The following SORCS3 variants were observed in gnomAD, a reference collection of about 807,000 sequenced individuals.
The protein encoded by SORCS3 is VPS10 domain-containing receptor SorCS3.
Under a neutral mutation model 146.3 loss-of-function variants are expected in SORCS3, and 57 were observed. The ratio of observed to expected loss-of-function variants is 0.39; its 90% CI spans 0.31 to 0.49. The LOEUF (loss-of-function observed/expected upper bound fraction) is 0.49. Ranked by LOEUF, SORCS3 falls within the 20% of genes least tolerant of loss-of-function variation. SORCS3 has a pLI of 0.92. For synonymous variants in SORCS3, 653 were observed against 618.5 expected, an observed-to-expected ratio of 1.06 and a Z score of -0.83; for missense variants, 1,341 against 1,575.5, an observed-to-expected ratio of 0.85 and a Z score of 2.52.
At chr10:105,029,276 A>T (rs781151586) in intron 4 of SORCS3, among the ~76,000 whole-genome samples, 1 of 152,202 alleles carries the variant, frequency 6.6e-6, no homozygotes, top group Non-Finnish European at 1.5e-5. Flanking sequence ...CATGGGTAGA[A>T]GAGTCTCAAA....
rs548852686 is a variant in SORCS3, at chr10:104,794,160, T to C, written c.628-48632T>C. ...TCTCCCCAACAGGGTCATTCATCTT[T>C]GAATTTCTGGAGCAGTCACGATTCC... is the stretch of plus-strand genomic sequence containing the variant. On this transcript the variant is annotated intron_variant, in intron 1 of 26. Transcript: ENST00000369701. 8.5e-5 allele frequency among the ~76,000 whole-genome samples: 13 copies of C among 152,310 alleles called. No individual in the cohort carries two copies. The South Asian group carries it at 1.5e-3, about 17-fold the overall frequency.
chr10:105,186,469 C>A (rs554450089), intron 14 of SORCS3, among the ~76,000 whole-genome samples: 1 of 152,036 alleles, frequency 6.6e-6, no homozygotes, highest in African/African-American at 2.4e-5. Flanking sequence ...TTTTCTGATT[C>A]TTTTTATTTT....
intron 1 of SORCS3, among the ~76,000 whole-genome samples, chr10:104,705,436 C>T (rs184355142): frequency 2.9e-4 from 44 of 152,168 alleles, no homozygotes; most frequent in African/African-American, 9.9e-4. Flanking sequence ...GAATTAGGTT[C>T]AACTACATTT....
At chr10:104,643,738 G>GTGTGTGCGTGTT (rs2015458043) in intron 1 of SORCS3, among the ~76,000 whole-genome samples, 1 of 151,656 alleles carries the variant, frequency 6.6e-6, no homozygotes, top group African/African-American at 2.4e-5. Flanking sequence ...GTGTGTGTGT[G>GTGTGTGCGTGTT]TGTGTGTTGG....
chr10:105,111,376 C>A (rs947448646), intron 7 of SORCS3, among the ~76,000 whole-genome samples: 6 of 152,196 alleles, frequency 3.9e-5, no homozygotes, highest in Admixed American at 1.3e-4. Flanking sequence ...GTCATTGCTT[C>A]TCTTGCTTCT....
At chr10:104,679,083 G>A (rs531308631) in intron 1 of SORCS3, among the ~76,000 whole-genome samples, 1 of 152,336 alleles carries the variant, frequency 6.6e-6, no homozygotes, top group East Asian at 1.9e-4. Flanking sequence ...CGGATGAGAA[G>A]TTGCAAGGAG....
chr10:104,747,724 A>G (rs1156830365), intron 1 of SORCS3, among the ~76,000 whole-genome samples: 1 of 152,208 alleles, frequency 6.6e-6, no homozygotes, highest in African/African-American at 2.4e-5. Flanking sequence ...GACCATTCTC[A>G]GCACCTAGCA....
chr10:104,720,861 A>G (rs922641820), intron 1 of SORCS3, among the ~76,000 whole-genome samples: 9 of 152,174 alleles, frequency 5.9e-5, no homozygotes, highest in African/African-American at 1.7e-4. Context: ...AGTTCATTGT[A>G]GATTCTGGAT....
At chr10:105,141,110 T>G (rs904135814) in intron 8 of SORCS3, among the ~76,000 whole-genome samples, 3 of 152,182 alleles carry the variant, frequency 2.0e-5, no homozygotes, top group Non-Finnish European at 4.4e-5. Context: ...TTTTATGTAT[T>G]TTTAACCTTC....
intron 4 of SORCS3, among the ~76,000 whole-genome samples, chr10:104,989,039 G>A (rs1328897288): frequency 6.6e-6 from 1 of 152,214 alleles, no homozygotes; most frequent in African/African-American, 2.4e-5. Context: ...TGAATGAAGT[G>A]TGGAACACTT....
chr10:105,018,195 T>G (rs1179274046), intron 4 of SORCS3, among the ~76,000 whole-genome samples: 2 of 152,232 alleles, frequency 1.3e-5, no homozygotes, highest in Non-Finnish European at 2.9e-5. Flanking sequence ...TCTGGTGGTG[T>G]TTTTGTTCTC....
chr10:104,914,348 G>A (rs1045556841), intron 2 of SORCS3, among the ~76,000 whole-genome samples: 1 of 152,172 alleles, frequency 6.6e-6, no homozygotes, highest in Non-Finnish European at 1.5e-5. Flanking sequence ...TAAGGATGGG[G>A]AAATCTGTTC....
chr10:104,933,343 C>T (rs1178957792), intron 3 of SORCS3, among the ~76,000 whole-genome samples: 2 of 150,648 alleles, frequency 1.3e-5, no homozygotes, highest in Non-Finnish European at 2.9e-5. Context: ...AAGATGGTTA[C>T]AGAGGTTCTG....
chr10:105,066,006 T>C (rs1220291973), intron 5 of SORCS3, among the ~76,000 whole-genome samples: 2 of 152,176 alleles, frequency 1.3e-5, no homozygotes, highest in Non-Finnish European at 2.9e-5. Context: ...GATTTCTATT[T>C]CCCAAGACCC....
At position 104,729,860 on chromosome 10, in the gene SORCS3, A is replaced by G. The variant is rs80340913; in HGVS notation, c.627+87906A>G. Among the ~76,000 whole-genome samples the G allele has an allele frequency of 8.2e-3, 1,254 of 152,328 alleles. 14 individuals carry two copies. Among genetic ancestry groups the G allele is most frequent in the African/African-American group, 0.029 (1,190 of 41,570 alleles). On this transcript the variant is annotated intron_variant, in intron 1 of 26. Transcript: ENST00000369701. ...AGTGTGCTGTAGGGGAAAGCACATGACAACTTCCAAATCTGCCAACAGACT... is the reference window on the plus strand; with the variant it reads ...AGTGTGCTGTAGGGGAAAGCACATGGCAACTTCCAAATCTGCCAACAGACT...
At chr10:105,151,385 C>A (rs2060843) in intron 9 of SORCS3, among the ~76,000 whole-genome samples, 67,720 of 151,950 alleles carry the variant, frequency 0.45, 16,091 homozygotes, top group Non-Finnish European at 0.53. Flanking sequence ...CTTTTTTCCC[C>A]TCATATTTAC....
chr10:105,262,289 C>G, intron 25 of SORCS3, 42 bp from the exon 26 acceptor site: 1 of 1,584,172 alleles, frequency 6.3e-7, no homozygotes. Flanking sequence ...AAGTTTGGCA[C>G]ACCCTGTGAT....
intron 5 of SORCS3, among the ~76,000 whole-genome samples, chr10:105,055,216 C>T (rs2055438441): frequency 6.6e-6 from 1 of 152,166 alleles, no homozygotes; most frequent in African/African-American, 2.4e-5. Flanking sequence ...CACACAGCAT[C>T]TCTCTTCAGA....
At chr10:105,186,333 T>A (rs1024622791) in intron 14 of SORCS3, among the ~76,000 whole-genome samples, 2 of 152,242 alleles carry the variant, frequency 1.3e-5, no homozygotes, top group African/African-American at 4.8e-5. Flanking sequence ...TGTGTCTTAT[T>A]TATTATCTCC....
Sources: allele counts gnomAD v4.1 joint callset (sites outside exome capture counted in the v4.1 genomes callset), GRCh38; gene constraint gnomAD v4.1.1; transcripts MANE v1.5; gene names NCBI Gene and HGNC (gene_info 2026-07-23, HGNC 2026-07-21).